Variants in PCCB observed in about 807,000 individuals in gnomAD.
PCCB encodes the protein propionyl-CoA carboxylase subunit beta.
In PCCB, 43 loss-of-function variants were observed where a neutral mutation model predicts 60.7. The ratio of observed to expected loss-of-function variants is 0.71; its 90% CI spans 0.55 to 0.91. PCCB has a LOEUF of 0.91. PCCB is among the 40% of genes least tolerant of loss of function. PCCB has a pLI of 0.00. For missense variants in PCCB, 766 were observed against 702.8 expected (o/e 1.09, Z -1.02); for synonymous variants, 276 against 255.9 (o/e 1.08, Z -0.75).
intron 1 of PCCB, among the ~76,000 whole-genome samples, chr3:136,253,092 T>TTG (rs1486157492): frequency 2.8e-5 from 4 of 140,378 alleles, no homozygotes; most frequent in Non-Finnish European, 6.2e-5. Context: ...GTTTTTTTTT[T>TTG]TTTTTTTTTT....
intron 6 of PCCB, among the ~76,000 whole-genome samples, chr3:136,292,963 A>G (rs536057673): frequency 7.2e-5 from 11 of 152,312 alleles, no homozygotes; most frequent in East Asian, 3.9e-4. Flanking sequence ...ATTAGAAACT[A>G]AAAATTAAAA....
At chr3:136,262,392 G>A (rs1450016933) in intron 5 of PCCB, among the ~76,000 whole-genome samples, 3 of 152,168 alleles carry the variant, frequency 2.0e-5, no homozygotes, top group African/African-American at 4.8e-5. Context: ...ATGAACTGAT[G>A]TGCTTGAATT....
chr3:136,291,173 G>C (rs964742165), intron 6 of PCCB, among the ~76,000 whole-genome samples: 2 of 151,906 alleles, frequency 1.3e-5, no homozygotes, highest in African/African-American at 4.8e-5. Context: ...GAGTCTTGCT[G>C]TCTTGGCCAG....
chr3:136,260,205 C>G, intron 3 of PCCB: 1 of 491,870 alleles, frequency 2.0e-6, no homozygotes. Flanking sequence ...TCCCGAGTAG[C>G]TGGGATTCCA....
intron 10 of PCCB, among the ~76,000 whole-genome samples, chr3:136,322,605 T>C (rs1935146910): frequency 6.6e-6 from 1 of 152,220 alleles, no homozygotes; most frequent in Non-Finnish European, 1.5e-5. Context: ...TTAAATTATG[T>C]AGGAAATAAA....
intron 9 of PCCB, among the ~76,000 whole-genome samples, chr3:136,306,379 C>A (rs948540481): frequency 1.7e-5 from 2 of 120,620 alleles, no homozygotes; most frequent in African/African-American, 5.0e-5. Flanking sequence ...GCAGGGGAGA[C>A]AAAATTGCAT....
chr3:136,314,839 G>T (rs900578641), intron 9 of PCCB, among the ~76,000 whole-genome samples: 1 of 152,100 alleles, frequency 6.6e-6, no homozygotes, highest in Non-Finnish European at 1.5e-5. Context: ...TAGTCTCAAC[G>T]TATTTCCTCA....
At chr3:136,286,082 A>G (rs1446364248) in intron 6 of PCCB, among the ~76,000 whole-genome samples, 1 of 152,222 alleles carries the variant, frequency 6.6e-6, no homozygotes, top group Non-Finnish European at 1.5e-5. Context: ...AATAACTAAA[A>G]CTGTCTGAAG....
intron 7 of PCCB, among the ~76,000 whole-genome samples, chr3:136,296,614 T>C (rs962617597): frequency 5.3e-5 from 8 of 152,222 alleles, no homozygotes; most frequent in Non-Finnish European, 8.8e-5. Flanking sequence ...TCATTTCTCT[T>C]TGATTTCTGA....
chr3:136,264,741 G>T (rs1941936966), intron 5 of PCCB, among the ~76,000 whole-genome samples: 1 of 151,740 alleles, frequency 6.6e-6, no homozygotes. Context: ...CAGGTGTGGT[G>T]GCGGGCGCCT....
At position 136,327,259 on chromosome 3, in the gene PCCB, A is replaced by G. The variant is rs760155204; in HGVS notation, c.1299+4A>G. On this transcript the variant is annotated splice_donor_region_variant and intron_variant, in intron 12 of 14. Coordinates refer to ENST00000251654, the MANE Select transcript of PCCB (RefSeq NM_000532.5). ...AGTCACAGTCATCACCAGGAAGGTG[A>G]GGACCTCATGTTGGAGGCCATGACC... The G allele has an allele frequency of 6.2e-7, 1 of 1,610,172 alleles. No individual in the cohort carries two copies. The highest frequency in any genetic ancestry group is 8.5e-7 in the Non-Finnish European group (1 of 1,176,318).
At chr3:136,289,786 A>T (rs1933589271) in intron 6 of PCCB, among the ~76,000 whole-genome samples, 3 of 85,714 alleles carry the variant, frequency 3.5e-5, no homozygotes, top group African/African-American at 1.2e-4. Flanking sequence ...TTAACATGTT[A>T]TACTTTTTTT....
intron 1 of PCCB, among the ~76,000 whole-genome samples, chr3:136,254,548 T>TTA (rs1411852644): frequency 7.7e-6 from 1 of 130,350 alleles, no homozygotes; most frequent in Non-Finnish European, 1.6e-5. Flanking sequence ...TTTTTTTTTT[T>TTA]AAAAGACAGG....
At chr3:136,293,998 T>C in intron 7 of PCCB, 134 bp downstream of exon 7, 1 of 680,392 alleles carries the variant, frequency 1.5e-6, no homozygotes. Flanking sequence ...GTACAGTCTA[T>C]TGTACTACAC....
At chr3:136,291,534 CTG>C (rs1180356265) in intron 6 of PCCB, among the ~76,000 whole-genome samples, 1 of 152,074 alleles carries the variant, frequency 6.6e-6, no homozygotes, top group Non-Finnish European at 1.5e-5. Context: ...TTTAGTGAGC[CTG>C]TGCCTCTGAA....
chr3:136,278,561 A>G (rs941647073), intron 5 of PCCB, among the ~76,000 whole-genome samples: 9 of 152,124 alleles, frequency 5.9e-5, no homozygotes, highest in Non-Finnish European at 1.2e-4. Context: ...CCTATTGCTT[A>G]TTTAGAAGTG....
intron 9 of PCCB, among the ~76,000 whole-genome samples, chr3:136,312,867 A>G (rs1050629910): frequency 1.3e-5 from 2 of 152,210 alleles, no homozygotes; most frequent in African/African-American, 4.8e-5. Flanking sequence ...CAGAGTATGA[A>G]TATTCTTAAT....
chr3:136,325,420 A>G (rs530751281), intron 10 of PCCB, among the ~76,000 whole-genome samples: 3 of 151,168 alleles, frequency 2.0e-5, no homozygotes, highest in East Asian at 2.0e-4. Context: ...TGGTGGTGCA[A>G]TCTTGGCTCA....
At chr3:136,270,495 G>GT (rs776284113) in intron 5 of PCCB, among the ~76,000 whole-genome samples, 2 of 151,020 alleles carry the variant, frequency 1.3e-5, no homozygotes, top group Non-Finnish European at 3.0e-5. Flanking sequence ...CACATCTGTT[G>GT]TTTTTTGACA....
Sources: gnomAD v4.1 joint callset for allele counts (sites outside exome capture counted in the v4.1 genomes callset) on GRCh38, gnomAD v4.1.1 for gene constraint, MANE v1.5 for transcripts, NCBI Gene and HGNC (gene_info 2026-07-23, HGNC 2026-07-21) for gene names.